The following CTNNA3 variants were observed in gnomAD, a reference collection of about 807,000 sequenced individuals.
CTNNA3 encodes the protein catenin alpha 3, also known as catenin alpha-3.
Under a neutral mutation model 95.7 loss-of-function variants are expected in CTNNA3, and 76 were observed. That is an observed-to-expected ratio of 0.79 (90% CI 0.66 to 0.96). CTNNA3 has a LOEUF of 0.96. Ranked by LOEUF, CTNNA3 falls within the 40% of genes least tolerant of loss-of-function variation. The pLI is 0.00. For missense variants in CTNNA3, 1,191 were observed against 1,089.8 expected, an observed-to-expected ratio of 1.09 and a Z score of -1.31; for synonymous variants, 431 against 374.4, an observed-to-expected ratio of 1.15 and a Z score of -1.74.
At chr10:66,991,155 T>C (rs1375610331) in intron 7 of CTNNA3, among the ~76,000 whole-genome samples, 1 of 152,206 alleles carries the variant, frequency 6.6e-6, no homozygotes, top group East Asian at 1.9e-4. Flanking sequence ...AGCAGCACTT[T>C]GGAGTTTTTC....
At chr10:66,044,973 C>T (rs1284900876) in intron 15 of CTNNA3, among the ~76,000 whole-genome samples, 1 of 145,080 alleles carries the variant, frequency 6.9e-6, no homozygotes, top group Non-Finnish European at 1.6e-5. Flanking sequence ...TAATGACAAT[C>T]TCAGGATTCA....
chr10:67,002,108 GGATTCAAT>G (rs1331348653), intron 7 of CTNNA3, among the ~76,000 whole-genome samples: 8 of 152,066 alleles, frequency 5.3e-5, no homozygotes, highest in Non-Finnish European at 2.9e-5. Flanking sequence ...TGAGATCGTT[GGATTCAAT>G]GATCTCTAAG....
At chr10:66,012,374 G>T (rs76766228) in intron 15 of CTNNA3, among the ~76,000 whole-genome samples, 2 of 152,044 alleles carry the variant, frequency 1.3e-5, no homozygotes, top group Non-Finnish European at 2.9e-5. Context: ...AAGAAGTTAT[G>T]TACTAACAGT....
intron 13 of CTNNA3, among the ~76,000 whole-genome samples, chr10:66,145,765 A>T (rs138320556): frequency 3.3e-5 from 5 of 152,226 alleles, no homozygotes; most frequent in Non-Finnish European, 7.4e-5. Context: ...TTTCATAAGC[A>T]TTGCTGCTTA....
At chr10:66,595,749 C>G (rs2605495) in intron 10 of CTNNA3, among the ~76,000 whole-genome samples, 1 of 151,902 alleles carries the variant, frequency 6.6e-6, no homozygotes, top group African/African-American at 2.4e-5. Flanking sequence ...TGATCCTCCC[C>G]CCTTAGCCTC....
intron 7 of CTNNA3, among the ~76,000 whole-genome samples, chr10:66,876,551 A>T (rs6480232): frequency 6.6e-6 from 1 of 151,916 alleles, no homozygotes; most frequent in African/African-American, 2.4e-5. Context: ...ATATATCCTT[A>T]TACACATTTA....
chr10:67,112,559 AT>A (rs1170557472), intron 7 of CTNNA3, among the ~76,000 whole-genome samples: 3 of 152,022 alleles, frequency 2.0e-5, no homozygotes, highest in African/African-American at 7.2e-5. Flanking sequence ...GCTGATTTGT[AT>A]TTCAGAGAAA....
intron 5 of CTNNA3, among the ~76,000 whole-genome samples, chr10:67,349,957 A>C (rs745956703): frequency 2.0e-5 from 3 of 152,134 alleles, no homozygotes; most frequent in Non-Finnish European, 2.9e-5. Flanking sequence ...TCAGTATATC[A>C]GCTTAATTAT....
intron 5 of CTNNA3, among the ~76,000 whole-genome samples, chr10:67,274,146 C>G (rs1031668076): frequency 6.6e-6 from 1 of 151,710 alleles, no homozygotes. Flanking sequence ...AATAATTAAA[C>G]TGAACAAAGA....
At chr10:67,362,766 C>T (rs899768018) in intron 5 of CTNNA3, among the ~76,000 whole-genome samples, 2 of 141,564 alleles carry the variant, frequency 1.4e-5, no homozygotes, top group Admixed American at 1.5e-4. Flanking sequence ...AACATTCAGG[C>T]AAGAAAAAGA....
At chr10:67,750,638 G>A in intron 1 of CTNNA3, 1 of 1,547,836 alleles carries the variant, frequency 6.5e-7, no homozygotes, top group Admixed American at 1.7e-5. Context: ...TACAAGTCTG[G>A]GGATGATTTT....
rs766212790 is a variant in CTNNA3 at position 67,408,882 on chromosome 10, CAAAAA to C, written c.579+112955_579+112959del. Among the ~76,000 whole-genome samples the C allele has an allele frequency of 1.1e-4, 11 of 97,198 alleles. 1 individual carries two copies. The highest frequency in any genetic ancestry group is 2.1e-4 in the Non-Finnish European group (11 of 51,392). The allele number at this position is 97,198 out of a possible 152,430, so 63.8% of individuals were successfully genotyped here. A position where few individuals can be genotyped will look rare whatever the true frequency, so the allele number is the denominator to read the frequency against. On this transcript the variant is annotated intron_variant, in intron 5 of 17. Transcript: ENST00000433211. ...AGCATTTAAAAGGAACTTAAATTTA[CAAAAA>C]AAAAAAAAAAAAAGCCATTATAAAG...
chr10:67,034,754 C>T (rs1354136612), intron 7 of CTNNA3, among the ~76,000 whole-genome samples: 1 of 152,136 alleles, frequency 6.6e-6, no homozygotes, highest in Non-Finnish European at 1.5e-5. Flanking sequence ...ATAAGTAAAT[C>T]TCTTTCATGT....
At chr10:66,031,409 C>T (rs529330315) in intron 15 of CTNNA3, among the ~76,000 whole-genome samples, 25 of 152,208 alleles carry the variant, frequency 1.6e-4, no homozygotes, top group Admixed American at 2.6e-4. Flanking sequence ...TTTGCAGCAA[C>T]GTAGATGCAG....
chr10:67,688,818 A>C (rs1260740862), intron 1 of CTNNA3, among the ~76,000 whole-genome samples: 1 of 152,140 alleles, frequency 6.6e-6, no homozygotes, highest in Non-Finnish European at 1.5e-5. Flanking sequence ...GCACTTACTG[A>C]TGCAGCAACA....
At chr10:67,637,700 G>A (rs1268453763) in intron 2 of CTNNA3, among the ~76,000 whole-genome samples, 2 of 152,156 alleles carry the variant, frequency 1.3e-5, no homozygotes, top group Non-Finnish European at 2.9e-5. Flanking sequence ...AGAGAGTGGG[G>A]GCCAATATTC....
intron 1 of CTNNA3, among the ~76,000 whole-genome samples, chr10:67,658,543 C>G (rs190814517): frequency 1.6e-3 from 239 of 152,230 alleles, no homozygotes; most frequent in African/African-American, 5.3e-3. Flanking sequence ...TTCTTGACTT[C>G]AAAATCAATA....
chr10:66,641,457 A>T (rs1311893921), intron 9 of CTNNA3, among the ~76,000 whole-genome samples: 1 of 152,166 alleles, frequency 6.6e-6, no homozygotes, highest in African/African-American at 2.4e-5. Flanking sequence ...ACCCACAGAA[A>T]CTATAAGAGA....
chr10:66,782,410 A>G (rs1182543884), intron 7 of CTNNA3, among the ~76,000 whole-genome samples: 1 of 152,150 alleles, frequency 6.6e-6, no homozygotes, highest in Non-Finnish European at 1.5e-5. Context: ...CTTGTTCAAC[A>G]GGAAAATTCT....
Sources: allele counts gnomAD v4.1 joint callset (sites outside exome capture counted in the v4.1 genomes callset), GRCh38; gene constraint gnomAD v4.1.1; transcripts MANE v1.5; gene names NCBI Gene and HGNC (gene_info 2026-07-23, HGNC 2026-07-21).